Variants in MADD observed in about 807,000 individuals in gnomAD.
MADD encodes the protein MAP kinase activating death domain, also known as MAP kinase-activating death domain protein.
A neutral mutation model predicts 176.7 loss-of-function variants in MADD; 109 were observed. The observed-to-expected ratio is 0.62, with a 90% CI of 0.53 to 0.72. The LOEUF is 0.72. Among genes scored for constraint, MADD ranks in the 30% least tolerant of loss-of-function variants. The probability of loss-of-function intolerance (pLI) is 0.00; values close to 1 mark genes in which losing one functional copy is unlikely to be tolerated. For synonymous variants in MADD, 771 were observed against 771.3 expected, an observed-to-expected ratio of 1.00 and a Z score of 0.01; for missense variants, 1,914 against 2,045.5, an observed-to-expected ratio of 0.94 and a Z score of 1.24.
chr11:47,311,397 G>C (rs1327904119), intron 25 of MADD, among the ~76,000 whole-genome samples: 1 of 152,192 alleles, frequency 6.6e-6, no homozygotes, highest in African/African-American at 2.4e-5. Flanking sequence ...CATTGTTTCT[G>C]AATTACACTA....
At chr11:47,293,861 A>T (rs1287973475) in intron 19 of MADD, 22 bp from the exon 22 acceptor site, 4 of 1,511,416 alleles carry the variant, frequency 2.6e-6, no homozygotes, top group Non-Finnish European at 3.7e-6. Context: ...GCACGGAGTA[A>T]CAGAAGTCTT....
intron 14 of MADD, 114 bp from the exon 15 acceptor site, chr11:47,286,319 C>T: frequency 2.7e-6 from 2 of 747,440 alleles, no homozygotes; most frequent in Non-Finnish European, 4.8e-6. Context: ...ATCTGATCCA[C>T]CAAACTGGGA....
chr11:47,285,095 C>T (rs2059666159), exon 13 of MADD: 1 of 1,614,086 alleles, frequency 6.2e-7, no homozygotes, highest in Non-Finnish European at 8.5e-7. Flanking sequence ...TATGACAATC[C>T]ATACTTCGAG....
chr11:47,291,821 C>G (rs545109235), intron 19 of MADD, among the ~76,000 whole-genome samples: 1 of 152,294 alleles, frequency 6.6e-6, no homozygotes, highest in South Asian at 2.1e-4. Flanking sequence ...GGAAATCATA[C>G]TAAGTACACT....
exon 9 of MADD, chr11:47,282,468 T>C (rs1462367018): frequency 6.2e-7 from 1 of 1,614,104 alleles, no homozygotes; most frequent in African/African-American, 1.3e-5. Flanking sequence ...TTCCTCGGCC[T>C]GTGGTAGCTT....
At chr11:47,299,402 T>C (rs568712061) in intron 22 of MADD, among the ~76,000 whole-genome samples, 12 of 152,162 alleles carry the variant, frequency 7.9e-5, no homozygotes, top group Non-Finnish European at 1.2e-4. Context: ...AAATTTCTCC[T>C]AAGAATTTAT....
At chr11:47,297,265 A>G (rs1309017099) in intron 22 of MADD, among the ~76,000 whole-genome samples, 1 of 152,094 alleles carries the variant, frequency 6.6e-6, no homozygotes, top group African/African-American at 2.4e-5. Context: ...CCACCCCCAG[A>G]GCCTTCTGTA....
chr11:47,299,585 CTTT>C (rs1185948034), intron 22 of MADD, among the ~76,000 whole-genome samples: 36 of 41,502 alleles, frequency 8.7e-4, no homozygotes, highest in African/African-American at 3.4e-3. Context: ...GATTTTAGGG[CTTT>C]TTTTTTTTTT....
chr11:47,315,644 T>C (rs1301893411), intron 27 of MADD, among the ~76,000 whole-genome samples: 1 of 151,758 alleles, frequency 6.6e-6, no homozygotes, highest in Non-Finnish European at 1.5e-5. Flanking sequence ...CCAGGTGATT[T>C]TTCTATTTTT....
exon 10 of MADD, chr11:47,282,959 A>C: frequency 6.2e-7 from 1 of 1,613,614 alleles, no homozygotes; most frequent in Non-Finnish European, 8.5e-7. Flanking sequence ...CTCCGAACCT[A>C]CTGATGATAG....
chr11:47,328,502 G>A, intron 31 of MADD, 156 bp from the exon 36 acceptor site: 3 of 1,493,454 alleles, frequency 2.0e-6, no homozygotes, highest in Non-Finnish European at 2.7e-6. Context: ...GCCTCTGGTG[G>A]CCTCTGCCCT....
intron 14 of MADD, 136 bp from the exon 15 acceptor site, chr11:47,286,297 A>G (rs2060594750): frequency 1.4e-6 from 1 of 691,268 alleles, no homozygotes; most frequent in Non-Finnish European, 2.6e-6. Flanking sequence ...TTTCTAAGAC[A>G]GATCAGAGAT....
At chr11:47,328,972 C>G (rs912992110) in intron 32 of MADD, 74 bp from the exon 37 acceptor site, 2 of 1,294,704 alleles carry the variant, frequency 1.5e-6, no homozygotes, top group African/African-American at 2.9e-5. Context: ...CAGGAGTTGC[C>G]CATTGGCAGA....
chr11:47,278,156 T>C lies in MADD; in HGVS notation c.1096-9T>C, dbSNP rs1181134238. 1.9e-6 allele frequency: 3 copies of C among 1,594,936 alleles called. No homozygotes were observed. The highest frequency in any genetic ancestry group is 2.6e-6 in the Non-Finnish European group (3 of 1,162,738). ...TCTTTGTTTCTCACCTTCTTTATCA[T>C]TTCCACAGCTGCTGTTGGCTCCAAC... On this transcript the variant is annotated splice_polypyrimidine_tract_variant and intron_variant, in intron 5 of 32. Coordinates refer to ENST00000402192, the Ensembl canonical transcript of MADD.
At chr11:47,327,293 G>A (rs1449323508) in intron 31 of MADD, 4 of 990,336 alleles carry the variant, frequency 4.0e-6, no homozygotes, top group Non-Finnish European at 4.8e-6. Context: ...GGACAGAGGA[G>A]TCTAGCGGGA....
At chr11:47,320,799 A>G (rs2094336637) in intron 27 of MADD, among the ~76,000 whole-genome samples, 1 of 151,772 alleles carries the variant, frequency 6.6e-6, no homozygotes, top group Non-Finnish European at 1.5e-5. Flanking sequence ...GTGCATGCCT[A>G]TGGTCCTAGC....
intron 16 of MADD, 129 bp downstream of exon 17, chr11:47,289,622 G>A: frequency 1.2e-6 from 1 of 863,562 alleles, no homozygotes; most frequent in Non-Finnish European, 1.9e-6. Context: ...TTTCTTGCCA[G>A]CACTTCTCAT....
rs1391023513 is a variant in MADD, at chr11:47,324,415, CAG to C, written c.4436-55_4436-54del. 5.0e-6 allele frequency: 8 copies of C among 1,599,950 alleles called. No individual in the cohort carries two copies. The East Asian group carries it at 1.3e-4, about 27-fold the overall frequency. On this transcript the variant is annotated intron_variant, in intron 29 of 32. Transcript: ENST00000402192. ...AGTGTCAGGGGCCTGGCAGGGAAGT[CAG>C]GGGTGGGATTCCCCACCTCACCAGT...
chr11:47,295,376 A>G (rs1046863217), intron 20 of MADD, 120 bp from the exon 23 acceptor site: 17 of 745,700 alleles, frequency 2.3e-5, no homozygotes, highest in Non-Finnish European at 3.8e-5. Flanking sequence ...GTTGCTCGTG[A>G]CTTCTCTAAG....
Sources: gnomAD v4.1 joint callset for allele counts (sites outside exome capture counted in the v4.1 genomes callset) on GRCh38, gnomAD v4.1.1 for gene constraint, MANE v1.5 for transcripts, NCBI Gene and HGNC (gene_info 2026-07-23, HGNC 2026-07-21) for gene names.